Variants in SULF1 observed in about 807,000 individuals in gnomAD.
SULF1 encodes sulfatase 1.
In SULF1, 46 loss-of-function variants were observed where a neutral mutation model predicts 110.5. The ratio of observed to expected loss-of-function variants is 0.42; its 90% CI spans 0.33 to 0.53. SULF1 has a LOEUF of 0.53. Ranked by LOEUF, SULF1 falls within the 20% of genes least tolerant of loss-of-function variation. The probability of loss-of-function intolerance (pLI) is 0.12; values close to 1 mark genes in which losing one functional copy is unlikely to be tolerated. For synonymous variants in SULF1, 371 were observed against 387.1 expected, an observed-to-expected ratio of 0.96 and a Z score of 0.49; for missense variants, 941 against 1,094.2, an observed-to-expected ratio of 0.86 and a Z score of 1.98.
At chr8:69,592,467 T>C (rs1806976215) in intron 8 of SULF1, among the ~76,000 whole-genome samples, 1 of 151,810 alleles carries the variant, frequency 6.6e-6, no homozygotes, top group South Asian at 2.1e-4. Context: ...AGTGATTCTA[T>C]AAAGTAAAAT....
Position 69,624,160 on chromosome 8 carries a change from G to A in SULF1, c.1813G>A (p.Ala605Thr), listed in dbSNP as rs144030540. Residue 605 changes from alanine (A) to threonine (T), a missense_variant, in exon 15 of 23, where the codon GCC becomes ACC. Ala to Thr is a moderately conservative substitution (Grantham distance 58). Around this residue, in one of 3 missense-constraint regions of SULF1, gnomAD observed 822 missense variants for 934.3 expected, o/e 0.88. Transcript: ENST00000402687. The stretch of plus-strand genomic sequence containing the variant: ...CAGGATGCTGGCAGATAGCAGCAAC[G>A]CCGTGGGCCCACCTACCACTGTCCG... Reference protein sequence around the residue: ...RGRMLADSSNAVGPPTTVRVT... With the variant: ...RGRMLADSSNTVGPPTTVRVT... 102 of 1,608,848 alleles carry A rather than the reference G, an allele frequency of 6.3e-5. No individual in the cohort carries two copies. The highest frequency in any genetic ancestry group is 1.2e-4 in the Admixed American group (7 of 59,642).
intron 3 of SULF1, among the ~76,000 whole-genome samples, chr8:69,523,832 C>G (rs897774492): frequency 6.6e-6 from 1 of 151,890 alleles, no homozygotes; most frequent in Non-Finnish European, 1.5e-5. Flanking sequence ...TGCATGGAAC[C>G]AAGATGATGG....
chr8:69,577,705 A>G (rs1482253082), intron 6 of SULF1, among the ~76,000 whole-genome samples: 1 of 152,276 alleles, frequency 6.6e-6, no homozygotes, highest in African/African-American at 2.4e-5. Context: ...AGGGAACTCC[A>G]TTTTGCCATT....
At chr8:69,573,764 A>G (rs1375531252) in intron 5 of SULF1, among the ~76,000 whole-genome samples, 3 of 152,336 alleles carry the variant, frequency 2.0e-5, no homozygotes, top group Non-Finnish European at 4.4e-5. Context: ...TGATCAACCA[A>G]CACAAATATA....
rs1167177375 is a variant in SULF1 at position 69,621,113 on chromosome 8, C to T, written c.1456C>T (p.Arg486Trp). ...AGGACCCAGTGACCTGCTCACAGTC[C>T]GGCAGAGCACGCGGAACCTCTACGC... Reference protein sequence around the residue: ...CKGPSDLLTVRQSTRNLYARG... With the variant: ...CKGPSDLLTVWQSTRNLYARG... Residue 486 changes from arginine to tryptophan, a missense_variant, in exon 14 of 23, where the codon CGG (arginine) becomes TGG (tryptophan). Transcript: ENST00000402687. 16 of 1,613,970 alleles carry T rather than the reference C, an allele frequency of 9.9e-6. No individual in the cohort carries two copies. The highest frequency in any genetic ancestry group is 2.5e-6 in the Non-Finnish European group (3 of 1,179,968).
chr8:69,490,273 T>C (rs1479191897), upstream of SULF1, among the ~76,000 whole-genome samples: 1 of 151,922 alleles, frequency 6.6e-6, no homozygotes, highest in East Asian at 1.9e-4. Flanking sequence ...TGGCTAATTT[T>C]TTTATTTTTT....
intron 3 of SULF1, among the ~76,000 whole-genome samples, chr8:69,524,476 A>G (rs924324759): frequency 6.6e-6 from 1 of 151,992 alleles, no homozygotes; most frequent in Non-Finnish European, 1.5e-5. Context: ...TCTTGCATGA[A>G]CTCAAAGCAA....
At chr8:69,518,476 G>C (rs1242626923) in intron 3 of SULF1, among the ~76,000 whole-genome samples, 2 of 152,160 alleles carry the variant, frequency 1.3e-5, no homozygotes, top group African/African-American at 2.4e-5. Flanking sequence ...ATATTACATT[G>C]TTGAATGCCT....
In SULF1 at chr8:69,578,782, G is replaced by A. The variant is rs185546892; in HGVS notation, c.412+2573G>A. Reference sequence around the variant, plus strand: ...CTTTTCCCCAGGGTTTAGACACTTAGGTAATAATACAATTTATAGTGAGTC... The same window carrying A: ...CTTTTCCCCAGGGTTTAGACACTTAAGTAATAATACAATTTATAGTGAGTC... On this transcript the variant is annotated intron_variant, in intron 6 of 22. Coordinates refer to ENST00000402687, the MANE Select transcript of SULF1 (RefSeq NM_001128205.2). Among the ~76,000 whole-genome samples the A allele has an allele frequency of 9.5e-4, 145 of 152,110 alleles. 1 individual carries two copies. Among genetic ancestry groups the A allele is most frequent in the African/African-American group, 3.3e-3 (137 of 41,480 alleles).
chr8:69,478,225 C>G (rs1244048212), intron 1 of SULF1, among the ~76,000 whole-genome samples: 1 of 152,142 alleles, frequency 6.6e-6, no homozygotes. Context: ...TCTGCATCAC[C>G]TCGTGCATCT....
chr8:69,485,444 G>A (rs1399635611), intron 1 of SULF1, among the ~76,000 whole-genome samples: 1 of 152,194 alleles, frequency 6.6e-6, no homozygotes, highest in African/African-American at 2.4e-5. Context: ...AAGCCTTATA[G>A]CAATTCCTCG....
intron 3 of SULF1, among the ~76,000 whole-genome samples, chr8:69,533,367 A>G (rs1278364856): frequency 2.0e-5 from 3 of 152,118 alleles, no homozygotes; most frequent in African/African-American, 4.8e-5. Context: ...AAGCCCTGCA[A>G]TGCATTAGCT....
chr8:69,528,914 A>G (rs1275057770), intron 3 of SULF1, among the ~76,000 whole-genome samples: 1 of 152,234 alleles, frequency 6.6e-6, no homozygotes, highest in Non-Finnish European at 1.5e-5. Flanking sequence ...TTCACGGATC[A>G]TAGAAAAAGA....
chr8:69,593,988 G>A (rs990477906), intron 8 of SULF1, among the ~76,000 whole-genome samples: 2 of 152,132 alleles, frequency 1.3e-5, no homozygotes, highest in Non-Finnish European at 2.9e-5. Flanking sequence ...GAAACTAAGG[G>A]ACCTCCTTAT....
chr8:69,616,228 A>ATTT (rs1432141232), intron 13 of SULF1, among the ~76,000 whole-genome samples: 1 of 140,036 alleles, frequency 7.1e-6, no homozygotes, highest in African/African-American at 2.7e-5. Context: ...ATATATATAT[A>ATTT]TATTTTTTTG....
intron 13 of SULF1, among the ~76,000 whole-genome samples, chr8:69,617,236 A>C (rs1164226922): frequency 2.0e-5 from 3 of 151,420 alleles, no homozygotes; most frequent in Non-Finnish European, 4.4e-5. Context: ...TGATGGCATG[A>C]TCTCAGCTCA....
rs111474126 is a variant in SULF1, at chr8:69,589,076, G to A, written c.669G>A (p.Ala223=). The stretch of plus-strand genomic sequence containing the variant: ...TTATGATGGTGATCAGCCACGCTGC[G>A]CCCCACGGCCCCGAGGACTCAGCCC... ...RPVMMVISHA[A]PHGPEDSAPQ... is the part of the protein sequence containing the mutation. Residue 223 remains alanine, a synonymous_variant, in exon 8 of 23, where the codon GCG becomes GCA. Coordinates refer to ENST00000402687, the MANE Select transcript of SULF1 (RefSeq NM_001128205.2). The A allele has an allele frequency of 1.1e-5, 18 of 1,614,090 alleles. No individual in the cohort carries two copies. The highest frequency in any genetic ancestry group is 1.0e-4 in the Admixed American group (6 of 60,012).
intron 22 of SULF1, among the ~76,000 whole-genome samples, chr8:69,654,117 G>A (rs978478745): frequency 6.6e-6 from 1 of 152,182 alleles, no homozygotes; most frequent in Non-Finnish European, 1.5e-5. Flanking sequence ...ATGGAGCTAA[G>A]AGACAATGTC....
chr8:69,640,120 AAAGGAAGGAAG>A (rs1232562275), intron 21 of SULF1, among the ~76,000 whole-genome samples: 3 of 92,308 alleles, frequency 3.2e-5, no homozygotes, highest in Admixed American at 1.1e-4. Flanking sequence ...AGGAAGGAAG[AAAGGAAGGAAG>A]AAGGAAGGAA....
Sources: allele counts gnomAD v4.1 joint callset (sites outside exome capture counted in the v4.1 genomes callset), GRCh38; gene constraint gnomAD v4.1.1; regional missense constraint gnomAD v4.1.1; transcripts MANE v1.5; gene names NCBI Gene and HGNC (gene_info 2026-07-23, HGNC 2026-07-21).